Variants in DCC observed in about 807,000 individuals in gnomAD.
The protein encoded by DCC is DCC netrin 1 receptor.
A neutral mutation model predicts 172.5 loss-of-function variants in DCC; 58 were observed. That is an observed-to-expected ratio of 0.34 (90% CI 0.27 to 0.42). The LOEUF is 0.42. DCC is among the 10% of genes least tolerant of loss of function. The pLI, the probability that DCC is intolerant of heterozygous loss-of-function variation, is 1.00. For synonymous variants in DCC, 709 were observed against 644.5 expected, an observed-to-expected ratio of 1.10 and a Z score of -1.52; for missense variants, 1,740 against 1,791.0, an observed-to-expected ratio of 0.97 and a Z score of 0.51.
intron 2 of DCC, among the ~76,000 whole-genome samples, chr18:52,822,214 G>A (rs1266773827): frequency 1.3e-5 from 2 of 149,210 alleles, no homozygotes; most frequent in African/African-American, 5.0e-5. Flanking sequence ...GTGAAACTAT[G>A]AGCAAAAAAG....
At chr18:52,740,921 G>A (rs1344374569) in intron 1 of DCC, among the ~76,000 whole-genome samples, 1 of 152,084 alleles carries the variant, frequency 6.6e-6, no homozygotes, top group Non-Finnish European at 1.5e-5. Context: ...AAGTTAATAG[G>A]TGTGAACTCA....
chr18:52,418,200 G>A (rs943207685), intron 1 of DCC, among the ~76,000 whole-genome samples: 2 of 152,048 alleles, frequency 1.3e-5, no homozygotes, highest in Non-Finnish European at 2.9e-5. Context: ...GCAAGGTTAA[G>A]GAAAAAGAGA....
chr18:53,159,300 G>T (rs1204716344), intron 8 of DCC, among the ~76,000 whole-genome samples: 1 of 151,976 alleles, frequency 6.6e-6, no homozygotes, highest in Non-Finnish European at 1.5e-5. Flanking sequence ...GTTTATGTTA[G>T]TATCTTCCAT....
At chr18:52,656,038 GTGTATATATA>G (rs1377268483) in intron 1 of DCC, among the ~76,000 whole-genome samples, 1 of 142,822 alleles carries the variant, frequency 7.0e-6, no homozygotes, top group Non-Finnish European at 1.5e-5. Context: ...GTATATATGT[GTGTATATATA>G]TGTATATATG....
intron 2 of DCC, among the ~76,000 whole-genome samples, chr18:52,773,557 C>T (rs993805000): frequency 8.6e-5 from 13 of 150,768 alleles, no homozygotes; most frequent in Non-Finnish European, 1.3e-4. Context: ...GACAGAGTCT[C>T]GCTGTGTCTC....
intron 1 of DCC, among the ~76,000 whole-genome samples, chr18:52,548,222 T>C (rs2032668880): frequency 6.6e-6 from 1 of 152,160 alleles, no homozygotes; most frequent in Non-Finnish European, 1.5e-5. Context: ...GCTTCCATGA[T>C]TATGCAGGCA....
intron 7 of DCC, among the ~76,000 whole-genome samples, chr18:53,070,954 G>C (rs1011399922): frequency 2.6e-5 from 4 of 152,182 alleles, no homozygotes; most frequent in Admixed American, 6.5e-5. Context: ...GCTGACCATG[G>C]TGGGAAGAAC....
At chr18:53,137,933 A>T (rs2043770140) in intron 7 of DCC, among the ~76,000 whole-genome samples, 3 of 151,676 alleles carry the variant, frequency 2.0e-5, no homozygotes, top group Non-Finnish European at 4.4e-5. Context: ...TTCCCACCTC[A>T]GCTTCCCCAG....
chr18:53,314,205 TA>T (rs2057318128), intron 13 of DCC, among the ~76,000 whole-genome samples: 1 of 152,196 alleles, frequency 6.6e-6, no homozygotes, highest in Non-Finnish European at 1.5e-5. Flanking sequence ...CCTGGAATTC[TA>T]AAGGTAATGT....
chr18:53,005,252 C>G (rs1175894165), intron 5 of DCC, among the ~76,000 whole-genome samples: 1 of 152,134 alleles, frequency 6.6e-6, no homozygotes, highest in Non-Finnish European at 1.5e-5. Context: ...AAGCAGTTAT[C>G]TATTTAACTG....
intron 1 of DCC, among the ~76,000 whole-genome samples, chr18:52,660,413 A>G (rs2035336965): frequency 6.6e-6 from 1 of 152,120 alleles, no homozygotes; most frequent in Non-Finnish European, 1.5e-5. Context: ...AAGAACATCA[A>G]GCAGAAACAC....
At chr18:52,631,219 G>A (rs1352284072) in intron 1 of DCC, among the ~76,000 whole-genome samples, 1 of 152,026 alleles carries the variant, frequency 6.6e-6, no homozygotes, top group Non-Finnish European at 1.5e-5. Context: ...ATGTGTAGTT[G>A]TTATTTAATT....
intron 1 of DCC, among the ~76,000 whole-genome samples, chr18:52,435,748 C>T (rs538764215): frequency 1.3e-5 from 2 of 152,282 alleles, no homozygotes; most frequent in South Asian, 2.1e-4. Flanking sequence ...CTAAGAGGCA[C>T]ATCAGTCTCG....
At chr18:53,021,593 G>C (rs1450873484) in intron 5 of DCC, among the ~76,000 whole-genome samples, 1 of 151,854 alleles carries the variant, frequency 6.6e-6, no homozygotes, top group Non-Finnish European at 1.5e-5. Context: ...TGCCTAGAAG[G>C]AAGAATTCTC....
chr18:53,005,686 C>T (rs1044168187), intron 5 of DCC, among the ~76,000 whole-genome samples: 2 of 152,154 alleles, frequency 1.3e-5, no homozygotes, highest in African/African-American at 4.8e-5. Flanking sequence ...TGAGATCATG[C>T]CACTGCACTC....
At chr18:52,951,449 A>C (rs1316744937) in intron 5 of DCC, among the ~76,000 whole-genome samples, 2 of 146,024 alleles carry the variant, frequency 1.4e-5, no homozygotes, top group African/African-American at 4.9e-5. Context: ...CCACCCCCCG[A>C]CAGGTCCCGG....
intron 5 of DCC, among the ~76,000 whole-genome samples, chr18:53,011,293 G>T (rs2041727662): frequency 6.6e-6 from 1 of 151,336 alleles, no homozygotes; most frequent in Non-Finnish European, 1.5e-5. Flanking sequence ...AAATAATCCT[G>T]TTTTTAATTG....
At chr18:53,271,240 C>G (rs1184577989) in intron 12 of DCC, among the ~76,000 whole-genome samples, 1 of 152,122 alleles carries the variant, frequency 6.6e-6, no homozygotes, top group African/African-American at 2.4e-5. Context: ...ACCATAGATA[C>G]AGATGAGATA....
At chr18:52,902,219 C>CA (rs1295026830) in intron 2 of DCC, among the ~76,000 whole-genome samples, 5 of 152,140 alleles carry the variant, frequency 3.3e-5, no homozygotes, top group Non-Finnish European at 7.4e-5. Context: ...ACATATTAAA[C>CA]AAAAAACTCT....
Sources: gnomAD v4.1 joint callset for allele counts (sites outside exome capture counted in the v4.1 genomes callset) on GRCh38, gnomAD v4.1.1 for gene constraint, MANE v1.5 for transcripts, NCBI Gene and HGNC (gene_info 2026-07-23, HGNC 2026-07-21) for gene names.